The following DNAJC10 variants were observed in gnomAD, a reference collection of about 807,000 sequenced individuals.
DNAJC10 encodes DnaJ heat shock protein family (Hsp40) member C10.
Under a neutral mutation model 115.0 loss-of-function variants are expected in DNAJC10, and 101 were observed. The observed-to-expected ratio is 0.88, with a 90% CI of 0.75 to 1.04. DNAJC10 has a LOEUF of 1.04. DNAJC10 is among the 50% of genes least tolerant of loss of function. DNAJC10 has a pLI of 0.00. For synonymous variants in DNAJC10, 307 were observed against 301.5 expected (o/e 1.02, Z -0.19); for missense variants, 981 against 928.8 (o/e 1.06, Z -0.73).
intron 13 of DNAJC10, among the ~76,000 whole-genome samples, chr2:182,742,963 C>T (rs1693773988): frequency 6.6e-6 from 1 of 152,046 alleles, no homozygotes; most frequent in Non-Finnish European, 1.5e-5. Context: ...TCTGCTGCCT[C>T]AGCCTCCCAA....
In DNAJC10 at chr2:182,732,483, GT is replaced by G. The variant is rs746032479; in HGVS notation, c.806-9del. 1 of 1,612,992 alleles carries G rather than the reference GT, an allele frequency of 6.2e-7. No homozygotes were observed. Among genetic ancestry groups the G allele is most frequent in the East Asian group, 2.2e-5 (1 of 44,850 alleles). On this transcript the variant is annotated splice_polypyrimidine_tract_variant and intron_variant, in intron 9 of 23. Coordinates refer to ENST00000264065, the MANE Select transcript of DNAJC10 (RefSeq NM_018981.4). Reference sequence around the variant, plus strand: ...AATAAAGGTAAAACTGCCTCATAAGGTTTTTTTGTCCCCAGATTGTTTGACT... The same window carrying G: ...AATAAAGGTAAAACTGCCTCATAAGGTTTTTTGTCCCCAGATTGTTTGACT...
rs138605659 is a variant in DNAJC10 at position 182,732,898 on chromosome 2, G to A, written c.849+356G>A. Among the ~76,000 whole-genome samples, 994 of 152,002 alleles carry A rather than the reference G, an allele frequency of 6.5e-3. 6 individuals are homozygous for A. Among genetic ancestry groups the A allele is most frequent in the Non-Finnish European group, 9.7e-3 (659 of 67,878 alleles). On this transcript the variant is annotated intron_variant, in intron 10 of 23. Coordinates refer to ENST00000264065, the MANE Select transcript of DNAJC10 (RefSeq NM_018981.4). ...TATATAGCTCTCATGTTATGGCTGG[G>A]AAGTAGCCTGAGTGATGTTGATTTT... is the stretch of plus-strand genomic sequence containing the variant.
chr2:182,790,150 A>G lies in DNAJC10; in HGVS notation c.*13018A>G, dbSNP rs933467466. The stretch of plus-strand genomic sequence containing the variant: ...AAAGTTCCTCATTGTCTACCACAAA[A>G]CTAAGTATTTGTTTATAAGAAAAAG... On this transcript the variant is annotated 3_prime_UTR_variant, in exon 24 of 24. Coordinates refer to ENST00000264065, the MANE Select transcript of DNAJC10 (RefSeq NM_018981.4). 1 of 152,204 alleles carries G rather than the reference A, an allele frequency of 6.6e-6. No homozygotes were observed. Among genetic ancestry groups the G allele is most frequent in the Admixed American group, 6.5e-5 (1 of 15,274 alleles). The allele number at this position is 152,204 out of a possible 1,614,324, so 9.4% of individuals were successfully genotyped here.
rs144287995 is a variant in DNAJC10 at position 182,786,589 on chromosome 2, A to G, written c.*9457A>G. On this transcript the variant is annotated 3_prime_UTR_variant, in exon 24 of 24. Coordinates refer to ENST00000264065, the MANE Select transcript of DNAJC10 (RefSeq NM_018981.4). ...GGTGTGACCTCCTGTTCCCAAAGGA[A>G]TAGACCTAGGTGACCAACCAGCAGC... 6.6e-6 allele frequency: 1 copy of G among 152,174 alleles called. No individual in the cohort carries two copies. The highest frequency in any genetic ancestry group is 6.5e-5 in the Admixed American group (1 of 15,284). 9.4% of individuals were successfully genotyped at this position (152,174 alleles called of 1,614,324 possible). A position where few individuals can be genotyped will look rare whatever the true frequency, so the allele number is the denominator to read the frequency against.
At chr2:182,740,080 T>C in intron 11 of DNAJC10, 1 of 1,033,334 alleles carries the variant, frequency 9.7e-7, no homozygotes, top group Non-Finnish European at 1.2e-6. Flanking sequence ...TGGAATTTAT[T>C]GTATATCACT....
rs944363184 is a variant in DNAJC10, at chr2:182,780,940, C to CTGAT, written c.*3809_*3812dup. The CTGAT allele has an allele frequency of 9.9e-5, 15 of 150,810 alleles. No individual in the cohort carries two copies. Among genetic ancestry groups the CTGAT allele is most frequent in the East Asian group, 3.9e-4 (2 of 5,138 alleles). The allele number at this position is 150,810 out of a possible 1,614,324, so 9.3% of individuals were successfully genotyped here. A position where few individuals can be genotyped will look rare whatever the true frequency, so the allele number is the denominator to read the frequency against. On this transcript the variant is annotated 3_prime_UTR_variant, in exon 24 of 24. Coordinates refer to ENST00000264065, the MANE Select transcript of DNAJC10 (RefSeq NM_018981.4). ...TCCCCAAAAAGGTCTGTGTTAATAA[C>CTGAT]TGATAGACAATCTTCATTAAGCAAC...
chr2:182,732,849 T>G (rs548383176), intron 10 of DNAJC10: 21 of 369,218 alleles, frequency 5.7e-5, no homozygotes, highest in Admixed American at 3.8e-4. Context: ...TTTTGTTGTT[T>G]TCTTTTTTAG....
chr2:182,758,964 A>T (rs944820811), intron 20 of DNAJC10, 74 bp downstream of exon 20: 1 of 1,235,718 alleles, frequency 8.1e-7, no homozygotes, highest in African/African-American at 1.5e-5. Context: ...ATCAATAGTT[A>T]AATTTACTGT....
At chr2:182,740,131 G>T in intron 11 of DNAJC10, 168 bp from the exon 12 acceptor site, 2 of 1,136,984 alleles carry the variant, frequency 1.8e-6, no homozygotes, top group Non-Finnish European at 2.2e-6. Context: ...TTTGATAATT[G>T]CCAAAATACA....
At chr2:182,760,120 T>C (rs1384426691) in intron 21 of DNAJC10, among the ~76,000 whole-genome samples, 2 of 152,160 alleles carry the variant, frequency 1.3e-5, no homozygotes, top group African/African-American at 4.8e-5. Context: ...GATTCCAGTG[T>C]AACAGAGTAC....
Position 182,732,296 on chromosome 2 carries a change from G to A in DNAJC10, c.806-203G>A, listed in dbSNP as rs373513503. Among the ~76,000 whole-genome samples the A allele has an allele frequency of 9.4e-5, 14 of 149,210 alleles. No homozygotes were observed. The East Asian group carries it at 2.1e-3, about 23-fold the overall frequency. ...AATTAAAGGGAGAGAATGAAAGAAAGAGGGAGCGAGGGAGTGTGTGTGTGT... is the reference window on the plus strand; with the variant it reads ...AATTAAAGGGAGAGAATGAAAGAAAAAGGGAGCGAGGGAGTGTGTGTGTGT... On this transcript the variant is annotated intron_variant, in intron 9 of 23. Transcript: ENST00000264065.
Position 182,792,005 on chromosome 2 carries a change from A to T in DNAJC10, c.*14873A>T, listed in dbSNP as rs1452138526. On this transcript the variant is annotated 3_prime_UTR_variant, in exon 24 of 24. Coordinates refer to ENST00000264065, the MANE Select transcript of DNAJC10 (RefSeq NM_018981.4). ...AGAGAATTGGATCCTGAAACACCTT[A>T]TAAGTTCAGTCCTGTTGATTAGTAT... The T allele has an allele frequency of 6.6e-6, 1 of 152,184 alleles. No homozygotes were observed. The highest frequency in any genetic ancestry group is 1.5e-5 in the Non-Finnish European group (1 of 68,016). The allele number at this position is 152,184 out of a possible 1,614,324, so 9.4% of individuals were successfully genotyped here. A position where few individuals can be genotyped will look rare whatever the true frequency, so the allele number is the denominator to read the frequency against.
chr2:182,794,002 G>A lies in DNAJC10; in HGVS notation c.*16870G>A, dbSNP rs1429975665. On this transcript the variant is annotated 3_prime_UTR_variant, in exon 24 of 24. Transcript: ENST00000264065. ...TATTCATACCTACCCAGACTAACAA[G>A]TAGCAGGCAGATGATAAATATATTT... 1 of 152,136 alleles carries A rather than the reference G, an allele frequency of 6.6e-6. No individual in the cohort carries two copies. The highest frequency in any genetic ancestry group is 1.9e-4 in the East Asian group (1 of 5,200). The allele number at this position is 152,136 out of a possible 1,614,324, so 9.4% of individuals were successfully genotyped here.
At position 182,778,807 on chromosome 2, in the gene DNAJC10, C is replaced by T. The variant is rs1352187430; in HGVS notation, c.*1675C>T. ...CCTTTCATTCTCGAATGTTTAAAGC[C>T]TAGGAGTTCTACAAAATTGGCTTCT... On this transcript the variant is annotated 3_prime_UTR_variant, in exon 24 of 24. Transcript: ENST00000264065. 6.6e-6 allele frequency: 1 copy of T among 152,162 alleles called. No homozygotes were observed. Among genetic ancestry groups the T allele is most frequent in the African/African-American group, 2.4e-5 (1 of 41,438 alleles). 9.4% of individuals were successfully genotyped at this position (152,162 alleles called of 1,614,324 possible). A position where few individuals can be genotyped will look rare whatever the true frequency, so the allele number is the denominator to read the frequency against.
At chr2:182,752,969 T>C (rs922908144) in intron 16 of DNAJC10, among the ~76,000 whole-genome samples, 2 of 152,122 alleles carry the variant, frequency 1.3e-5, no homozygotes, top group African/African-American at 2.4e-5. Flanking sequence ...ACAAACCAAG[T>C]GCAAAGAAAG....
chr2:182,757,863 T>C (rs1303583020), intron 19 of DNAJC10, 38 bp downstream of exon 19: 3 of 1,203,294 alleles, frequency 2.5e-6, no homozygotes, highest in African/African-American at 1.6e-5. Context: ...TTTATTATAA[T>C]TATTTAATTA....
At position 182,739,694 on chromosome 2, in the gene DNAJC10, G is replaced by C. The variant is rs555054770; in HGVS notation, c.988-605G>C. ...AATAAGAGACTCGGGCCGAAAACAAGTTTAAGATAAGATCTGTATCATTGT... is the reference window on the plus strand; with the variant it reads ...AATAAGAGACTCGGGCCGAAAACAACTTTAAGATAAGATCTGTATCATTGT... On this transcript the variant is annotated intron_variant, in intron 11 of 23. Transcript: ENST00000264065. 32 of 1,030,108 alleles carry C rather than the reference G, an allele frequency of 3.1e-5. 1 individual carries two copies. In the South Asian group the frequency reaches 9.6e-4, roughly 31 times the overall value. The allele number at this position is 1,030,108 out of a possible 1,614,324, so 63.8% of individuals were successfully genotyped here.
intron 21 of DNAJC10, among the ~76,000 whole-genome samples, chr2:182,760,177 C>T (rs1003012897): frequency 6.6e-6 from 1 of 152,142 alleles, no homozygotes; most frequent in East Asian, 1.9e-4. Context: ...CGCTCCCTCT[C>T]TCTAAAATGC....
chr2:182,718,966 A>C (rs1693072865), intron 3 of DNAJC10, among the ~76,000 whole-genome samples: 1 of 152,152 alleles, frequency 6.6e-6, no homozygotes, highest in Non-Finnish European at 1.5e-5. Context: ...AGAAGTTTTA[A>C]AATAGGATTA....
Sources: allele counts gnomAD v4.1 joint callset (sites outside exome capture counted in the v4.1 genomes callset), GRCh38; gene constraint gnomAD v4.1.1; transcripts MANE v1.5; gene names NCBI Gene and HGNC (gene_info 2026-07-23, HGNC 2026-07-21).